The following PPME1 variants were observed in gnomAD, a reference collection of about 807,000 sequenced individuals.
PPME1 encodes testicular secretory protein Li 39.
A neutral mutation model predicts 56.9 loss-of-function variants in PPME1; 17 were observed. That is an observed-to-expected ratio of 0.30 (90% CI 0.20 to 0.45). PPME1 has a LOEUF of 0.45. Among genes scored for constraint, PPME1 ranks in the 20% least tolerant of loss-of-function variants. The pLI is 1.00. For synonymous variants in PPME1, 122 were observed against 156.2 expected (o/e 0.78, Z 1.63); for missense variants, 357 against 483.2 (o/e 0.74, Z 2.45).
chr11:74,183,555 A>G (rs974172439), intron 1 of PPME1, among the ~76,000 whole-genome samples: 1 of 152,260 alleles, frequency 6.6e-6, no homozygotes, highest in Admixed American at 6.5e-5. Flanking sequence ...ATGGATCTAT[A>G]TAAGTGTAAA....
chr11:74,197,100 G>A (rs1320878143), intron 1 of PPME1, among the ~76,000 whole-genome samples: 1 of 152,130 alleles, frequency 6.6e-6, no homozygotes, highest in African/African-American at 2.4e-5. Context: ...TTGTATTTAG[G>A]TGATCTCTAT....
At chr11:74,173,634 C>A (rs928671321) in intron 1 of PPME1, among the ~76,000 whole-genome samples, 1 of 152,130 alleles carries the variant, frequency 6.6e-6, no homozygotes, top group South Asian at 2.1e-4. Flanking sequence ...TTCCACCTCC[C>A]GGGCTCAAGT....
At chr11:74,242,016 C>T (rs1859372834) in intron 9 of PPME1, among the ~76,000 whole-genome samples, 1 of 152,014 alleles carries the variant, frequency 6.6e-6, no homozygotes, top group South Asian at 2.1e-4. Context: ...GTCCCTTGTA[C>T]TTTTGGTATT....
intron 1 of PPME1, among the ~76,000 whole-genome samples, chr11:74,179,109 T>C (rs1285572079): frequency 1.3e-5 from 2 of 152,242 alleles, no homozygotes; most frequent in African/African-American, 4.8e-5. Context: ...GTTGTTTACT[T>C]ATCAGTCCTT....
At chr11:74,191,823 A>G (rs1857847988) in intron 1 of PPME1, among the ~76,000 whole-genome samples, 1 of 152,204 alleles carries the variant, frequency 6.6e-6, no homozygotes, top group Non-Finnish European at 1.5e-5. Flanking sequence ...TTCTGCCTAG[A>G]TTTCAGGGCA....
chr11:74,231,783 A>G (rs1279004109), intron 7 of PPME1, among the ~76,000 whole-genome samples: 2 of 152,228 alleles, frequency 1.3e-5, no homozygotes, highest in Non-Finnish European at 2.9e-5. Flanking sequence ...GAAGATGGCT[A>G]TAGGTTCCAT....
chr11:74,246,097 A>C lies in PPME1; in HGVS notation c.856A>C (p.Thr286Pro). ...CCAGACCAAGAAAGACCATCCATAC[A>C]CCTGGAGAATTGAACTGGCAAAAAC... ...DMETKKDHPYTWRIELAKTEK... is the reference protein window; with the variant it reads ...DMETKKDHPYPWRIELAKTEK... The change falls in exon 10 of 14, where the codon ACC becomes CCC. Residue 286 changes from threonine (T) to proline (P), a missense_variant. Physicochemically the swap from Thr to Pro is conservative, Grantham distance 38. Coordinates refer to ENST00000328257, the MANE Select transcript of PPME1 (RefSeq NM_016147.3). 6.3e-7 allele frequency: 1 copy of C among 1,576,450 alleles called. No homozygotes were observed. Among genetic ancestry groups the C allele is most frequent in the Non-Finnish European group, 8.6e-7 (1 of 1,159,976 alleles).
At position 74,204,355 on chromosome 11, in the gene PPME1, T is replaced by C. The variant is rs1451116027; in HGVS notation, c.198T>C (p.Thr66=). The part of the protein sequence containing the change: ...VEVENETGKD[T]FRVYKSGSEG... The stretch of plus-strand genomic sequence containing the variant: ...GTTTTATCTTTAACTATTCATACAC[T>C]TTTCGAGTCTACAAGAGTGGTTCAG... The change falls in exon 3 of 14, where the codon ACT becomes ACC. Residue 66 remains threonine, a splice_region_variant and synonymous_variant. Transcript: ENST00000328257. The C allele has an allele frequency of 1.2e-6, 2 of 1,609,126 alleles. No homozygotes were observed. The highest frequency in any genetic ancestry group is 3.3e-5 in the Admixed American group (2 of 59,854).
intron 1 of PPME1, among the ~76,000 whole-genome samples, chr11:74,194,382 A>G (rs937679656): frequency 6.6e-6 from 1 of 152,034 alleles, no homozygotes; most frequent in Admixed American, 6.5e-5. Context: ...CAAAACTTCA[A>G]GTTCAGACAG....
At chr11:74,174,578 C>A (rs1264867756) in intron 1 of PPME1, among the ~76,000 whole-genome samples, 2 of 152,110 alleles carry the variant, frequency 1.3e-5, no homozygotes, top group African/African-American at 4.8e-5. Flanking sequence ...CTCTTGCCTT[C>A]AATTTCACTA....
At chr11:74,252,361 T>C in intron 13 of PPME1, 1 of 448,208 alleles carries the variant, frequency 2.2e-6, no homozygotes, top group South Asian at 1.6e-5. Context: ...GTGTTGGGAT[T>C]ATAGGGATTA....
chr11:74,250,777 G>A (rs536904369), intron 11 of PPME1, 177 bp from the exon 12 acceptor site: 311 of 588,052 alleles, frequency 5.3e-4, no homozygotes, highest in Admixed American at 7.9e-4. Flanking sequence ...AATGATTGGC[G>A]CAAGGTTACA....
intron 1 of PPME1, among the ~76,000 whole-genome samples, chr11:74,197,209 A>C (rs1356922148): frequency 6.6e-6 from 1 of 152,228 alleles, no homozygotes; most frequent in African/African-American, 2.4e-5. Flanking sequence ...ATTAGCCTCA[A>C]AGCTATTTAA....
intron 1 of PPME1, among the ~76,000 whole-genome samples, chr11:74,199,756 C>T (rs948445459): frequency 7.9e-5 from 12 of 152,240 alleles, no homozygotes; most frequent in Non-Finnish European, 1.5e-4. Context: ...CACAGTTCCA[C>T]ATGGCTGGGG....
chr11:74,205,112 A>G (rs1285569735), intron 3 of PPME1: 3 of 152,252 alleles, frequency 2.0e-5, no homozygotes, highest in Non-Finnish European at 4.4e-5. Flanking sequence ...GATAATGTCT[A>G]TCACTTTGTC....
chr11:74,246,960 G>A, intron 10 of PPME1, 119 bp from the exon 11 acceptor site: 1 of 834,816 alleles, frequency 1.2e-6, no homozygotes. Flanking sequence ...TATGCTCTGG[G>A]AGTTAGGATT....
intron 3 of PPME1, among the ~76,000 whole-genome samples, chr11:74,207,752 G>A (rs950992554): frequency 6.6e-6 from 1 of 152,176 alleles, no homozygotes; most frequent in Non-Finnish European, 1.5e-5. Context: ...GTTTGGCTGA[G>A]CCAGAAGAGA....
At chr11:74,241,424 A>G (rs1252493857) in intron 9 of PPME1, among the ~76,000 whole-genome samples, 2 of 152,198 alleles carry the variant, frequency 1.3e-5, no homozygotes, top group Non-Finnish European at 2.9e-5. Context: ...CTTTTTGTCT[A>G]TTATGAATAA....
At chr11:74,252,499 C>G in intron 13 of PPME1, 1 of 456,742 alleles carries the variant, frequency 2.2e-6, no homozygotes, top group South Asian at 1.5e-5. Flanking sequence ...CTTCCCCTCC[C>G]TTTCCGAAGC....
Sources: allele counts gnomAD v4.1 joint callset (sites outside exome capture counted in the v4.1 genomes callset), GRCh38; gene constraint gnomAD v4.1.1; transcripts MANE v1.5; gene names NCBI Gene and HGNC (gene_info 2026-07-23, HGNC 2026-07-21).